VPS8: variants seen among roughly 807,000 people sequenced by gnomAD.
The protein encoded by VPS8 is VPS8 subunit of CORVET complex, also known as vacuolar protein sorting-associated protein 8 homolog.
VPS8 carries 129 observed loss-of-function variants against 216.4 expected under a neutral mutation model. That is an observed-to-expected ratio of 0.60 (90% CI 0.52 to 0.69). VPS8 has a LOEUF of 0.69. Ranked by LOEUF, VPS8 falls within the 30% of genes least tolerant of loss-of-function variation. The pLI, the probability that VPS8 is intolerant of heterozygous loss-of-function variation, is 0.00. For missense variants in VPS8, 1,531 were observed against 1,683.5 expected (o/e 0.91, Z 1.59); for synonymous variants, 571 against 565.4 (o/e 1.01, Z -0.14).
chr3:184,894,838 G>C lies in VPS8; in HGVS notation c.1917G>C (p.Leu639Phe). The change falls in exon 23 of 48, where the codon TTG becomes TTC. Residue 639 changes from leucine to phenylalanine, a missense_variant. Transcript: ENST00000625842. ...TCACACCCCAAGTAATGAAAGACTT[G>C]ATTGTTCATTTCCAAGATAAAAAAT... is the stretch of plus-strand genomic sequence containing the variant. ...VGITPQVMKD[L>F]IVHFQDKKLM... The C allele has an allele frequency of 6.2e-7, 1 of 1,610,452 alleles. No individual in the cohort carries two copies. Among genetic ancestry groups the C allele is most frequent in the Non-Finnish European group, 8.5e-7 (1 of 1,178,180 alleles).
At position 185,051,863 on chromosome 3, in the gene VPS8, C is replaced by T. The variant is rs1028163586; in HGVS notation, c.4138-13C>T. ...CCCACAAACCTTAGCTGATGTGTGT[C>T]CTTCCTTTGCAGCTGGCTCTCCTCA... On this transcript the variant is annotated splice_polypyrimidine_tract_variant and intron_variant, in intron 47 of 47. Coordinates refer to ENST00000625842, the MANE Select transcript of VPS8 (RefSeq NM_001009921.3). The T allele has an allele frequency of 1.3e-6, 2 of 1,586,008 alleles. No homozygotes were observed. Among genetic ancestry groups the T allele is most frequent in the East Asian group, 4.5e-5 (2 of 44,060 alleles).
chr3:184,991,601 G>A (rs1213521801), intron 42 of VPS8, among the ~76,000 whole-genome samples: 1 of 152,034 alleles, frequency 6.6e-6, no homozygotes, highest in Non-Finnish European at 1.5e-5. Context: ...GAAAACACAT[G>A]CCAGAGCTCT....
chr3:184,925,606 G>C (rs867702160), intron 30 of VPS8, among the ~76,000 whole-genome samples: 1 of 152,094 alleles, frequency 6.6e-6, no homozygotes, highest in Non-Finnish European at 1.5e-5. Flanking sequence ...TACTTAGTGT[G>C]TTATTATTAG....
chr3:185,022,893 AT>A (rs899008484), intron 45 of VPS8, among the ~76,000 whole-genome samples: 4 of 151,976 alleles, frequency 2.6e-5, no homozygotes, highest in Admixed American at 6.5e-5. Context: ...TGGATCCTTT[AT>A]TTTAAACCTT....
intron 21 of VPS8, among the ~76,000 whole-genome samples, chr3:184,885,224 G>A (rs575192555): frequency 3.9e-5 from 6 of 152,130 alleles, no homozygotes; most frequent in Middle Eastern, 3.4e-3. Context: ...TCTTTTTCAC[G>A]TAGTGCCTTC....
rs191054936 is a variant in VPS8, at chr3:184,933,822, C to T, written c.2899-2424C>T. Among the ~76,000 whole-genome samples, 19 of 152,232 alleles carry T rather than the reference C, an allele frequency of 1.2e-4. No homozygotes were observed. In the South Asian group the frequency reaches 1.5e-3, roughly 12 times the overall value. ...AGTCTGTTTCTCTGGGCCTTCTGTT[C>T]CATTGGTCTGTTTGTCCATCTCTGC... On this transcript the variant is annotated intron_variant, in intron 34 of 47. Coordinates refer to ENST00000625842, the MANE Select transcript of VPS8 (RefSeq NM_001009921.3).
intron 25 of VPS8, chr3:184,901,225 A>G (rs533141341): frequency 3.4e-5 from 14 of 408,480 alleles, no homozygotes; most frequent in African/African-American, 2.5e-4. Flanking sequence ...CTGTCACTAT[A>G]CTTCATGTAA....
intron 21 of VPS8, among the ~76,000 whole-genome samples, chr3:184,875,862 C>G (rs1193355453): frequency 6.6e-6 from 1 of 151,008 alleles, no homozygotes; most frequent in African/African-American, 2.4e-5. Flanking sequence ...TGGTGGTGCA[C>G]AGCTATAGTC....
intron 18 of VPS8, 95 bp downstream of exon 18, chr3:184,868,154 C>A: frequency 1.5e-6 from 2 of 1,342,064 alleles, no homozygotes; most frequent in Non-Finnish European, 2.1e-6. Flanking sequence ...ATTTGGTAAG[C>A]TTCTTAATTT....
chr3:184,943,033 T>C (rs2109341958), intron 36 of VPS8, among the ~76,000 whole-genome samples: 1 of 152,310 alleles, frequency 6.6e-6, no homozygotes, highest in Non-Finnish European at 1.5e-5. Flanking sequence ...CTTTGAACCC[T>C]ACCTCCACCC....
rs1446071690 is a variant in VPS8 at position 184,870,584 on chromosome 3, A to G, written c.1645-132A>G. On this transcript the variant is annotated intron_variant, in intron 20 of 47. Coordinates refer to ENST00000625842, the MANE Select transcript of VPS8 (RefSeq NM_001009921.3). ...GGCTAGAGTTTTAAAAAGTTGGTAA[A>G]TAAAGCCACTAAAATTTTCAGTTAA... 4 of 706,442 alleles carry G rather than the reference A, an allele frequency of 5.7e-6. No homozygotes were observed. The Admixed American group carries it at 1.2e-4, about 21-fold the overall frequency. 43.8% of individuals were successfully genotyped at this position (706,442 alleles called of 1,614,324 possible). A position where few individuals can be genotyped will look rare whatever the true frequency, so the allele number is the denominator to read the frequency against.
rs368609223 is a variant in VPS8 at position 184,966,733 on chromosome 3, TACA to T, written c.3316+24_3316+26del. 1.2e-5 allele frequency: 19 copies of T among 1,558,552 alleles called. No individual in the cohort carries two copies. The East Asian group carries it at 2.3e-4, about 19-fold the overall frequency. ...GTGAAAGTAAGTTCTTGAAAATAATTACAACATTTTTCATCCTTGGACCCCATG... is the reference window on the plus strand; with the variant it reads ...GTGAAAGTAAGTTCTTGAAAATAATTACATTTTTCATCCTTGGACCCCATG... On this transcript the variant is annotated intron_variant, in intron 39 of 47. Coordinates refer to ENST00000625842, the MANE Select transcript of VPS8 (RefSeq NM_001009921.3).
At chr3:184,870,559 G>T (rs1454277146) in intron 20 of VPS8, among the ~76,000 whole-genome samples, 157 bp from the exon 21 acceptor site, 1 of 152,138 alleles carries the variant, frequency 6.6e-6, no homozygotes, top group African/African-American at 2.4e-5. Context: ...GAAGAAATGA[G>T]GCTAGAGTTT....
At position 184,984,194 on chromosome 3, in the gene VPS8, A is replaced by AAAAAAAAAAACAAAAACTCACCAAG; in HGVS notation, c.3585+1100_3585+1101insAAAAAAAAAACAAAAACTCACCAAG. On this transcript the variant is annotated intron_variant, in intron 42 of 47. Transcript: ENST00000625842. Reference sequence around the variant, plus strand: ...GCGAGACTCCGTCTCAAAAAAAAAAACTCTACTTCCCATCTGATATTAAGC... The same window carrying AAAAAAAAAAACAAAAACTCACCAAG: ...GCGAGACTCCGTCTCAAAAAAAAAAAAAAAAAAAAACAAAAACTCACCAAGCTCTACTTCCCATCTGATATTAAGC... Among the ~76,000 whole-genome samples, 2 of 46,532 alleles carry AAAAAAAAAAACAAAAACTCACCAAG rather than the reference A, an allele frequency of 4.3e-5. 1 individual carries two copies. Among genetic ancestry groups the AAAAAAAAAAACAAAAACTCACCAAG allele is most frequent in the African/African-American group, 1.3e-4 (2 of 14,868 alleles). 30.5% of individuals were successfully genotyped at this position (46,532 alleles called of 152,430 possible). A position where few individuals can be genotyped will look rare whatever the true frequency, so the allele number is the denominator to read the frequency against.
At chr3:184,822,089 A>G (rs1410156942) in intron 1 of VPS8, among the ~76,000 whole-genome samples, 1 of 152,132 alleles carries the variant, frequency 6.6e-6, no homozygotes, top group Non-Finnish European at 1.5e-5. Context: ...AGGTAAACAA[A>G]TTAACCAAGG....
chr3:184,833,520 ATAACT>A (rs1374119226), intron 4 of VPS8, among the ~76,000 whole-genome samples: 1 of 152,118 alleles, frequency 6.6e-6, no homozygotes, highest in Non-Finnish European at 1.5e-5. Flanking sequence ...CTTCAAATAG[ATAACT>A]TAAATGTTTT....
At chr3:184,924,191 T>C (rs1739150613) in intron 29 of VPS8, among the ~76,000 whole-genome samples, 1 of 152,206 alleles carries the variant, frequency 6.6e-6, no homozygotes, top group Admixed American at 6.5e-5. Context: ...ACTTCATTGG[T>C]CTGTGTGATA....
chr3:184,967,499 A>G (rs757774099), intron 39 of VPS8, among the ~76,000 whole-genome samples: 1 of 152,196 alleles, frequency 6.6e-6, no homozygotes, highest in Non-Finnish European at 1.5e-5. Flanking sequence ...CAGCAAATAC[A>G]AAATTTTCAT....
intron 45 of VPS8, among the ~76,000 whole-genome samples, chr3:185,012,451 C>T (rs1755156407): frequency 6.7e-6 from 1 of 150,360 alleles, no homozygotes; most frequent in Non-Finnish European, 1.5e-5. Context: ...GAGCTGGGGA[C>T]ATTGGACCTA....
Sources: allele counts gnomAD v4.1 joint callset (sites outside exome capture counted in the v4.1 genomes callset), GRCh38; gene constraint gnomAD v4.1.1; transcripts MANE v1.5; gene names NCBI Gene and HGNC (gene_info 2026-07-23, HGNC 2026-07-21).